RBFOX1: variants seen among roughly 807,000 people sequenced by gnomAD.
RBFOX1 encodes the protein RNA binding protein fox-1 homolog 1.
Under a neutral mutation model 57.7 loss-of-function variants are expected in RBFOX1, and 8 were observed. That is an observed-to-expected ratio of 0.14 (90% CI 0.08 to 0.25). The LOEUF (loss-of-function observed/expected upper bound fraction) is 0.25, where lower values mean the gene tolerates loss of function less well. RBFOX1 is among the 10% of genes least tolerant of loss of function. RBFOX1 has a pLI of 1.00. For missense variants in RBFOX1, 611 were observed against 548.5 expected (o/e 1.11, Z -1.14); for synonymous variants, 326 against 222.4 (o/e 1.47, Z -4.15).
chr16:7,006,730 G>A (rs1438522161), intron 3 of RBFOX1, among the ~76,000 whole-genome samples: 1 of 152,130 alleles, frequency 6.6e-6, no homozygotes, highest in South Asian at 2.1e-4. Context: ...TTACGGACAT[G>A]AGCCACCATG....
At chr16:6,983,185 C>A (rs1224154756) in intron 3 of RBFOX1, among the ~76,000 whole-genome samples, 1 of 151,940 alleles carries the variant, frequency 6.6e-6, no homozygotes, top group Non-Finnish European at 1.5e-5. Flanking sequence ...TCTACCCTTT[C>A]CTTGGGTAGT....
intron 4 of RBFOX1, among the ~76,000 whole-genome samples, chr16:7,212,880 G>C (rs191696017): frequency 6.6e-6 from 1 of 152,250 alleles, no homozygotes; most frequent in African/African-American, 2.4e-5. Context: ...GATGATGTCG[G>C]TGCTGGTGTT....
At chr16:6,045,811 G>C (rs2095489547) in intron 1 of RBFOX1, among the ~76,000 whole-genome samples, 5 of 152,178 alleles carry the variant, frequency 3.3e-5, no homozygotes, top group Admixed American at 3.3e-4. Flanking sequence ...GCCAATGGAA[G>C]TTTCTTGGAA....
intron 4 of RBFOX1, among the ~76,000 whole-genome samples, chr16:7,224,074 G>T (rs981468607): frequency 7.8e-6 from 1 of 127,492 alleles, no homozygotes; most frequent in Non-Finnish European, 1.6e-5. Flanking sequence ...GCTTAGGCTC[G>T]TTGTTCTGGG....
chr16:7,299,610 C>T (rs1274219014), intron 4 of RBFOX1, among the ~76,000 whole-genome samples: 3 of 152,204 alleles, frequency 2.0e-5, no homozygotes, highest in Non-Finnish European at 4.4e-5. Flanking sequence ...ATCCTGGACC[C>T]TCTGACTCAG....
chr16:6,929,625 A>T (rs2076182605), intron 3 of RBFOX1, among the ~76,000 whole-genome samples: 1 of 152,106 alleles, frequency 6.6e-6, no homozygotes, highest in African/African-American at 2.4e-5. Context: ...CACCAAATTC[A>T]ATTTTTCTCA....
At chr16:6,511,763 T>G (rs1040111410) in intron 2 of RBFOX1, among the ~76,000 whole-genome samples, 9 of 152,194 alleles carry the variant, frequency 5.9e-5, no homozygotes, top group Non-Finnish European at 1.2e-4. Context: ...AAGAAGACAT[T>G]GTCCAGAAGA....
chr16:6,665,541 C>T (rs185196886), intron 3 of RBFOX1, among the ~76,000 whole-genome samples: 10 of 151,618 alleles, frequency 6.6e-5, no homozygotes, highest in African/African-American at 2.4e-4. Context: ...AGGAGAATCA[C>T]TTAAACCTGG....
chr16:6,776,756 C>G (rs538634352), intron 3 of RBFOX1, among the ~76,000 whole-genome samples: 2 of 152,340 alleles, frequency 1.3e-5, no homozygotes, highest in South Asian at 4.1e-4. Context: ...CTAAACTTTT[C>G]TGCACTAATG....
intron 3 of RBFOX1, among the ~76,000 whole-genome samples, chr16:5,799,536 A>G (rs928469852): frequency 6.6e-6 from 1 of 152,198 alleles, no homozygotes; most frequent in Non-Finnish European, 1.5e-5. Context: ...CTACACAACC[A>G]TTCTGTTTTT....
chr16:6,992,810 C>T (rs541054762), intron 3 of RBFOX1, among the ~76,000 whole-genome samples: 9 of 138,652 alleles, frequency 6.5e-5, no homozygotes, highest in Non-Finnish European at 1.4e-4. Context: ...ATGGCCATGG[C>T]CCAGAAAGGC....
intron 3 of RBFOX1, among the ~76,000 whole-genome samples, chr16:5,793,877 G>C (rs951047512): frequency 1.7e-4 from 26 of 152,212 alleles, no homozygotes; most frequent in Admixed American, 2.6e-4. Context: ...AATCCAGCAC[G>C]TTCTCCCTGA....
At chr16:6,634,941 G>C (rs1361900592) in intron 2 of RBFOX1, among the ~76,000 whole-genome samples, 1 of 139,522 alleles carries the variant, frequency 7.2e-6, no homozygotes, top group African/African-American at 2.6e-5. Flanking sequence ...ATTTAAATTA[G>C]TAATTTAGTT....
rs79645350 is a variant in RBFOX1, at chr16:5,727,124, G to C, written c.318+128163G>C. Among the ~76,000 whole-genome samples the C allele has an allele frequency of 4.1e-4, 62 of 152,206 alleles. 1 individual carries two copies. The East Asian group carries it at 0.012, about 29-fold the overall frequency. On this transcript the variant is annotated intron_variant, in intron 3 of 19. Transcript: ENST00000641259. ...AAATACAAAAATACAAAAATTAGCTGGGTGTTCTTTCATGTGCCTGTAATC... is the reference window on the plus strand; with the variant it reads ...AAATACAAAAATACAAAAATTAGCTCGGTGTTCTTTCATGTGCCTGTAATC...
chr16:6,535,897 C>A lies in RBFOX1; in HGVS notation c.-63-118706C>A, dbSNP rs146814870. 2.7e-3 allele frequency among the ~76,000 whole-genome samples: 404 copies of A among 152,238 alleles called. 4 individuals are homozygous for A. The highest frequency in any genetic ancestry group is 9.4e-3 in the African/African-American group (390 of 41,524). On this transcript the variant is annotated intron_variant, in intron 2 of 15. Coordinates refer to ENST00000550418, the MANE Select transcript of RBFOX1 (RefSeq NM_018723.4). ...TTAAAGTTTATTTTTCAGTTTCTTC[C>A]CTTTTCCTGCAGTCTCCCTCTAGAG...
At chr16:5,362,685 T>C (rs1208433261) in intron 1 of RBFOX1, among the ~76,000 whole-genome samples, 1 of 152,078 alleles carries the variant, frequency 6.6e-6, no homozygotes. Flanking sequence ...TTTATACCCA[T>C]TGAATAGCAA....
chr16:5,746,815 C>T (rs1441357351), intron 3 of RBFOX1, among the ~76,000 whole-genome samples: 1 of 152,200 alleles, frequency 6.6e-6, no homozygotes, highest in Non-Finnish European at 1.5e-5. Context: ...GCTGAAGTTA[C>T]TCATCAACTT....
intron 3 of RBFOX1, among the ~76,000 whole-genome samples, chr16:5,797,073 G>T (rs1031164328): frequency 6.6e-6 from 1 of 152,192 alleles, no homozygotes; most frequent in Non-Finnish European, 1.5e-5. Context: ...TTGTGATCAA[G>T]ACTGGTAGAT....
At chr16:5,883,824 G>A (rs2057828274) in intron 4 of RBFOX1, among the ~76,000 whole-genome samples, 2 of 152,172 alleles carry the variant, frequency 1.3e-5, no homozygotes, top group African/African-American at 4.8e-5. Flanking sequence ...TATGAAAATG[G>A]TTTCTTTTCC....
Sources: allele counts gnomAD v4.1 joint callset (sites outside exome capture counted in the v4.1 genomes callset), GRCh38; gene constraint gnomAD v4.1.1; transcripts MANE v1.5; gene names NCBI Gene and HGNC (gene_info 2026-07-23, HGNC 2026-07-21).